GEN1: variants seen among roughly 807,000 people sequenced by gnomAD.
GEN1 encodes the protein flap endonuclease GEN homolog 1.
Under a neutral mutation model 67.6 loss-of-function variants are expected in GEN1, and 64 were observed. The observed-to-expected ratio is 0.95, with a 90% CI of 0.77 to 1.17. GEN1 has a LOEUF of 1.17. GEN1 is among the 50% of genes most tolerant of loss of function. The pLI, the probability that GEN1 is intolerant of heterozygous loss-of-function variation, is 0.00. For synonymous variants in GEN1, 371 were observed against 359.4 expected (o/e 1.03, Z -0.37); for missense variants, 1,058 against 1,048.3 (o/e 1.01, Z -0.13).
chr2:17,775,976 C>T (rs868597415), intron 11 of GEN1, among the ~76,000 whole-genome samples: 8 of 151,898 alleles, frequency 5.3e-5, no homozygotes, highest in Middle Eastern at 3.4e-3. Flanking sequence ...ATTAGCCAGG[C>T]GTGGTGGAGA....
Position 17,761,425 on chromosome 2 carries a change from C to CAGTTT in GEN1, c.192_193insGTTTA (p.Gln65ValfsTer6). 1 of 1,603,120 alleles carries CAGTTT rather than the reference C, an allele frequency of 6.2e-7. No individual in the cohort carries two copies. The highest frequency in any genetic ancestry group is 1.1e-5 in the South Asian group (1 of 89,842). On this transcript the variant is annotated frameshift_variant, in exon 3 of 14. Coordinates refer to ENST00000381254, the MANE Select transcript of GEN1 (RefSeq NM_001130009.3). LOFTEE classifies it high-confidence loss of function. ...TTATTTTTTCGTATCTCATATTTAA[C>CAGTTT]ACAAATGGATGTAAAACTGGTATTT...
Position 17,782,083 on chromosome 2 carries a change from A to G in GEN1, c.*144A>G, listed in dbSNP as rs979352676. ...ACTTGCCATTTTAATCAAAGTTGTA[A>G]TTTTTAAAAAGTCACCTAAAACTCT... On this transcript the variant is annotated 3_prime_UTR_variant, in exon 14 of 14. Coordinates refer to ENST00000381254, the MANE Select transcript of GEN1 (RefSeq NM_001130009.3). 6 of 530,484 alleles carry G rather than the reference A, an allele frequency of 1.1e-5. No individual in the cohort carries two copies. Among genetic ancestry groups the G allele is most frequent in the Admixed American group, 3.6e-5 (1 of 27,556 alleles). 32.9% of individuals were successfully genotyped at this position (530,484 alleles called of 1,614,324 possible).
chr2:17,787,786 T>C lies in GEN1; in HGVS notation c.*5847T>C, dbSNP rs1033971835. ...AAAAAATACAAAAATTAGCCGGGTG[T>C]GGTGATGGGTACCTGTAATCCCACC... On this transcript the variant is annotated 3_prime_UTR_variant, in exon 14 of 14. Transcript: ENST00000381254. 2.6e-5 allele frequency: 4 copies of C among 152,180 alleles called. No individual in the cohort carries two copies. The highest frequency in any genetic ancestry group is 1.9e-4 in the East Asian group (1 of 5,188). The allele number at this position is 152,180 out of a possible 1,614,324, so 9.4% of individuals were successfully genotyped here.
intron 6 of GEN1, 78 bp downstream of exon 6, chr2:17,768,889 A>G (rs1286818582): frequency 3.8e-6 from 3 of 781,186 alleles, no homozygotes; most frequent in Non-Finnish European, 4.1e-6. Context: ...ACAGGAAACA[A>G]TTGTTTTCCA....
Position 17,787,440 on chromosome 2 carries a change from G to T in GEN1, c.*5501G>T, listed in dbSNP as rs1673095043. 1 of 152,146 alleles carries T rather than the reference G, an allele frequency of 6.6e-6. No homozygotes were observed. The highest frequency in any genetic ancestry group is 1.9e-4 in the East Asian group (1 of 5,192). 9.4% of individuals were successfully genotyped at this position (152,146 alleles called of 1,614,324 possible). A position where few individuals can be genotyped will look rare whatever the true frequency, so the allele number is the denominator to read the frequency against. On this transcript the variant is annotated 3_prime_UTR_variant, in exon 14 of 14. Coordinates refer to ENST00000381254, the MANE Select transcript of GEN1 (RefSeq NM_001130009.3). ...TTACCCATCGAGATTCAGTGTAAAC[G>T]TGGTCTTCTCTAAGAAAGTCTTCTG...
Position 17,757,387 on chromosome 2 carries a change from A to AT in GEN1, c.-15-2531dup, listed in dbSNP as rs949938846. ...CAAGAGTCTACCTTATTGCTGTTTT[A>AT]TTTTTTTTTTTACCATAACCCTCAG... On this transcript the variant is annotated intron_variant, in intron 1 of 13. Transcript: ENST00000381254. Among the ~76,000 whole-genome samples, 500 of 144,864 alleles carry AT rather than the reference A, an allele frequency of 3.5e-3. 2 individuals are homozygous for AT. The highest frequency in any genetic ancestry group is 0.016 in the South Asian group (73 of 4,630).
At chr2:17,777,904 C>T in intron 11 of GEN1, 98 bp from the exon 12 acceptor site, 1 of 654,454 alleles carries the variant, frequency 1.5e-6, no homozygotes. Context: ...ATGTTTTTAC[C>T]TGGGAAAAAA....
chr2:17,780,491 T>A (rs1242976968), intron 13 of GEN1, 130 bp from the exon 14 acceptor site: 2 of 610,110 alleles, frequency 3.3e-6, no homozygotes, highest in Admixed American at 3.4e-5. Flanking sequence ...AATCTAGCAA[T>A]GCACTGAGAT....
Position 17,781,045 on chromosome 2 carries a change from A to G in GEN1, c.1833A>G (p.Lys611=). 1 of 1,613,972 alleles carries G rather than the reference A, an allele frequency of 6.2e-7. No individual in the cohort carries two copies. Among genetic ancestry groups the G allele is most frequent in the Non-Finnish European group, 8.5e-7 (1 of 1,179,874 alleles). Residue 611 remains lysine (K), a synonymous_variant, in exon 14 of 14, where the codon AAA becomes AAG. Transcript: ENST00000381254. ...IQRNTFSHDL[K]SEVESELSAI... Reference sequence around the variant, plus strand: ...GGAATACTTTTTCTCATGATTTAAAATCAGAAGTTGAATCAGAGCTATCAG... The same window carrying G: ...GGAATACTTTTTCTCATGATTTAAAGTCAGAAGTTGAATCAGAGCTATCAG...
In GEN1 at chr2:17,781,749, A is replaced by G. The variant is rs766249690; in HGVS notation, c.2537A>G (p.His846Arg). The change falls in exon 14 of 14, where the codon CAT becomes CGT. Residue 846 changes from histidine to arginine, a missense_variant. By Grantham distance (29) the His-to-Arg change is conservative. Coordinates refer to ENST00000381254, the MANE Select transcript of GEN1 (RefSeq NM_001130009.3). ...AACAAGTTGAGTAGCCCTAAGATACATATTAAAGAAACTGAACAGTGTGTC... is the reference window on the plus strand; with the variant it reads ...AACAAGTTGAGTAGCCCTAAGATACGTATTAAAGAAACTGAACAGTGTGTC... ...GHNKLSSPKI[H>R]IKETEQCVRS... 2 of 1,613,564 alleles carry G rather than the reference A, an allele frequency of 1.2e-6. No individual in the cohort carries two copies. Among genetic ancestry groups the G allele is most frequent in the Non-Finnish European group, 8.5e-7 (1 of 1,179,764 alleles).
intron 3 of GEN1, among the ~76,000 whole-genome samples, chr2:17,764,302 C>T (rs1440543178): frequency 6.6e-6 from 1 of 152,138 alleles, no homozygotes; most frequent in East Asian, 1.9e-4. Flanking sequence ...ATGATAGCAT[C>T]TTCTTTGGAA....
intron 3 of GEN1, among the ~76,000 whole-genome samples, chr2:17,763,982 A>G (rs1310422495): frequency 2.6e-5 from 4 of 152,234 alleles, no homozygotes; most frequent in Non-Finnish European, 2.9e-5. Flanking sequence ...TCTCCCCACC[A>G]TACTCAGTAG....
At chr2:17,771,465 TA>T (rs1672187817) in intron 7 of GEN1, among the ~76,000 whole-genome samples, 178 bp downstream of exon 7, 1 of 152,184 alleles carries the variant, frequency 6.6e-6, no homozygotes, top group East Asian at 1.9e-4. Flanking sequence ...AGTCACTCAG[TA>T]AATGTTTATT....
upstream of GEN1, among the ~76,000 whole-genome samples, chr2:17,753,356 T>C (rs1407052419): frequency 1.3e-5 from 2 of 152,080 alleles, no homozygotes; most frequent in Non-Finnish European, 2.9e-5. Flanking sequence ...GACGGCCGCC[T>C]GGGAGGGGAC....
In GEN1 at chr2:17,783,967, T is replaced by TA. The variant is rs1672960438; in HGVS notation, c.*2029dup. On this transcript the variant is annotated 3_prime_UTR_variant, in exon 14 of 14. Transcript: ENST00000381254. The stretch of plus-strand genomic sequence containing the variant: ...GGATTTCTTAAATATACCCAAAGCA[T>TA]AGGCAACAAAAGAGAATACACAAAC... 1 of 152,222 alleles carries TA rather than the reference T, an allele frequency of 6.6e-6. No individual in the cohort carries two copies. The highest frequency in any genetic ancestry group is 2.1e-4 in the South Asian group (1 of 4,834). 9.4% of individuals were successfully genotyped at this position (152,222 alleles called of 1,614,324 possible).
chr2:17,778,159 CACACAT>C (rs1380112599), intron 12 of GEN1, 96 bp downstream of exon 12: 2 of 544,734 alleles, frequency 3.7e-6, no homozygotes, highest in South Asian at 1.9e-5. Flanking sequence ...TATATACACA[CACACAT>C]AGATATGTGT....
At chr2:17,767,865 A>G (rs576248201) in intron 5 of GEN1, among the ~76,000 whole-genome samples, 1 of 152,254 alleles carries the variant, frequency 6.6e-6, no homozygotes, top group Non-Finnish European at 1.5e-5. Context: ...AGCTAATGCT[A>G]ATACAAGAAG....
In GEN1 at chr2:17,771,200, A is replaced by G; in HGVS notation, c.715A>G (p.Asn239Asp). The G allele has an allele frequency of 6.2e-7, 1 of 1,602,850 alleles. No individual in the cohort carries two copies. The highest frequency in any genetic ancestry group is 8.5e-7 in the Non-Finnish European group (1 of 1,170,060). ...AAAAACCACTTTCTATTAAAGGTTTAATCGGTGGAATGAAACATCTTGTAA... is the reference window on the plus strand; with the variant it reads ...AAAAACCACTTTCTATTAAAGGTTTGATCGGTGGAATGAAACATCTTGTAA... ...LKGQSLLQRF[N>D]RWNETSCNSS... Residue 239 changes from asparagine (N) to aspartate (D), a missense_variant, in exon 7 of 14, where the codon AAT (asparagine) becomes GAT (aspartate). Asn to Asp is a conservative substitution (Grantham distance 23). Transcript: ENST00000381254.
Position 17,773,214 on chromosome 2 carries a change from G to C in GEN1, c.991-5G>C. Reference sequence around the variant, plus strand: ...CTCAGTTTCTATTTTCTTTTTTCTTGCTAGGTTATTCAAGAATTCCTTTTA... The same window carrying C: ...CTCAGTTTCTATTTTCTTTTTTCTTCCTAGGTTATTCAAGAATTCCTTTTA... On this transcript the variant is annotated splice_polypyrimidine_tract_variant and splice_region_variant and intron_variant, in intron 9 of 13. Transcript: ENST00000381254. The C allele has an allele frequency of 1.3e-6, 2 of 1,590,572 alleles. No individual in the cohort carries two copies. Among genetic ancestry groups the C allele is most frequent in the South Asian group, 2.2e-5 (2 of 89,382 alleles).
Sources: allele counts gnomAD v4.1 joint callset (sites outside exome capture counted in the v4.1 genomes callset), GRCh38; gene constraint gnomAD v4.1.1; transcripts MANE v1.5; gene names NCBI Gene and HGNC (gene_info 2026-07-23, HGNC 2026-07-21).